The following WASHC5 variants were observed in gnomAD, a reference collection of about 807,000 sequenced individuals.
WASHC5 encodes WASH complex subunit strumpellin.
A neutral mutation model predicts 150.4 loss-of-function variants in WASHC5; 101 were observed. The ratio of observed to expected loss-of-function variants is 0.67; its 90% CI spans 0.57 to 0.79. The LOEUF (loss-of-function observed/expected upper bound fraction) is 0.79. Ranked by LOEUF, WASHC5 falls within the 30% of genes least tolerant of loss-of-function variation. The pLI, the probability that WASHC5 is intolerant of heterozygous loss-of-function variation, is 0.00. For synonymous variants in WASHC5, 467 were observed against 491.2 expected, an observed-to-expected ratio of 0.95 and a Z score of 0.65; for missense variants, 1,195 against 1,396.3, an observed-to-expected ratio of 0.86 and a Z score of 2.30.
chr8:125,039,971 A>G, intron 23 of WASHC5, 73 bp from the exon 24 acceptor site: 1 of 955,098 alleles, frequency 1.0e-6, no homozygotes, highest in African/African-American at 1.6e-5. Flanking sequence ...GGTAAACACA[A>G]AGATGACAAT....
chr8:125,045,252 T>C (rs1816028109), intron 20 of WASHC5, among the ~76,000 whole-genome samples: 1 of 152,238 alleles, frequency 6.6e-6, no homozygotes, highest in Admixed American at 6.5e-5. Context: ...AGAAGTGTGA[T>C]GATGACAGTG....
chr8:125,073,611 T>C (rs1476473399), intron 8 of WASHC5, among the ~76,000 whole-genome samples: 1 of 152,208 alleles, frequency 6.6e-6, no homozygotes, highest in South Asian at 2.1e-4. Flanking sequence ...AATTTCTATA[T>C]AAGATGAATG....
chr8:125,077,102 G>C (rs1299386140), intron 6 of WASHC5, among the ~76,000 whole-genome samples: 2 of 152,094 alleles, frequency 1.3e-5, no homozygotes, highest in Non-Finnish European at 2.9e-5. Context: ...TGTTCCCCAG[G>C]GGTTCATCCC....
Position 125,044,624 on chromosome 8 carries a change from A to T in WASHC5, c.2579T>A (p.Leu860His). The T allele has an allele frequency of 6.2e-7, 1 of 1,614,106 alleles. No homozygotes were observed. ...CAAGGTGGTCTGGATTTCTGAGAAG[A>T]GGCGGCTGCTGGTCACTTCCTGATG... ...KTHQEVTSSR[L>H]FSEIQTTLGT... Residue 860 changes from leucine to histidine, a missense_variant, in exon 21 of 29, where the codon CTC becomes CAC. Transcript: ENST00000318410.
At position 125,065,863 on chromosome 8, in the gene WASHC5, C is replaced by T. The variant is rs553658080; in HGVS notation, c.1278+1729G>A. ...AACTCCTGACCTCAGGTGATCCACC[C>T]GCCTTAGCCTCCCAAAGTGCTGGGA... On this transcript the variant is annotated intron_variant, in intron 10 of 28. Transcript: ENST00000318410. Among the ~76,000 whole-genome samples the T allele has an allele frequency of 1.2e-4, 19 of 152,218 alleles. No homozygotes were observed. In the South Asian group the frequency reaches 3.5e-3, roughly 28 times the overall value.
intron 19 of WASHC5, among the ~76,000 whole-genome samples, chr8:125,048,577 G>A (rs772191355): frequency 2.0e-5 from 3 of 152,108 alleles, no homozygotes; most frequent in Non-Finnish European, 2.9e-5. Context: ...TGGAACCCTC[G>A]TACACTGCTG....
intron 1 of WASHC5, among the ~76,000 whole-genome samples, chr8:125,090,848 C>T (rs1586399840): frequency 6.6e-6 from 1 of 152,266 alleles, no homozygotes; most frequent in East Asian, 1.9e-4. Flanking sequence ...ATAACGGTTG[C>T]TGATCAAGAT....
chr8:125,065,652 C>G (rs932464437), intron 10 of WASHC5, among the ~76,000 whole-genome samples: 17 of 145,286 alleles, frequency 1.2e-4, no homozygotes, highest in Non-Finnish European at 2.4e-4. Context: ...GAGTCTTGCT[C>G]TGTTGCCCAG....
At chr8:125,063,392 A>C (rs1816659461) in intron 11 of WASHC5, 130 bp downstream of exon 11, 2 of 1,014,368 alleles carry the variant, frequency 2.0e-6, no homozygotes, top group Non-Finnish European at 3.1e-6. Context: ...TTTATTAGCA[A>C]CACTAAAGAT....
chr8:125,046,478 T>C (rs73704523), intron 20 of WASHC5, among the ~76,000 whole-genome samples: 8,327 of 152,288 alleles, frequency 0.055, 302 homozygotes, highest in African/African-American at 0.096. Context: ...TACAAAGCTA[T>C]GCAGTCTGCC....
At chr8:125,076,271 T>C in intron 7 of WASHC5, 77 bp downstream of exon 7, 1 of 1,342,158 alleles carries the variant, frequency 7.5e-7, no homozygotes, top group Non-Finnish European at 1.1e-6. Flanking sequence ...TTACAACCTG[T>C]GGGTTAAAGG....
chr8:125,079,112 G>A lies in WASHC5; in HGVS notation c.519-182C>T, dbSNP rs796704856. Among the ~76,000 whole-genome samples, 3,966 of 47,796 alleles carry A rather than the reference G, an allele frequency of 0.083. 131 individuals are homozygous for A. The highest frequency in any genetic ancestry group is 0.29 in the South Asian group (458 of 1,566). 31.4% of individuals were successfully genotyped at this position (47,796 alleles called of 152,430 possible). ...ATTATGTGTATATATATGTGTGTGT[G>A]TGTGTATATATATATATATATATAT... On this transcript the variant is annotated intron_variant, in intron 5 of 28. Transcript: ENST00000318410.
chr8:125,073,197 C>T lies in WASHC5; in HGVS notation c.1106G>A (p.Cys369Tyr), dbSNP rs1816952476. ...IPKLLNCLRDCNVAIRWLMLH... is the reference protein window; with the variant it reads ...IPKLLNCLRDYNVAIRWLMLH... ...CATCAGCCATCGGATGGCAACATTGCAGTCTCTCAGGCAGTTCAGAAGCTT... is the reference window on the plus strand; with the variant it reads ...CATCAGCCATCGGATGGCAACATTGTAGTCTCTCAGGCAGTTCAGAAGCTT... Residue 369 changes from cysteine to tyrosine, a missense_variant, in exon 9 of 29, where the codon TGC becomes TAC. Coordinates refer to ENST00000318410, the MANE Select transcript of WASHC5 (RefSeq NM_014846.4). The T allele has an allele frequency of 6.2e-7, 1 of 1,614,010 alleles. No individual in the cohort carries two copies. Among genetic ancestry groups the T allele is most frequent in the Admixed American group, 1.7e-5 (1 of 59,984 alleles).
At chr8:125,067,547 A>T in intron 10 of WASHC5, 45 bp downstream of exon 10, 1 of 1,519,110 alleles carries the variant, frequency 6.6e-7, no homozygotes, top group Non-Finnish European at 9.1e-7. Context: ...ATTTTTAAGC[A>T]TAAAAAAGCT....
chr8:125,063,563 A>G lies in WASHC5; in HGVS notation c.1367T>C (p.Val456Ala). 9 of 1,613,990 alleles carry G rather than the reference A, an allele frequency of 5.6e-6. No individual in the cohort carries two copies. The highest frequency in any genetic ancestry group is 7.6e-6 in the Non-Finnish European group (9 of 1,179,908). The change falls in exon 11 of 29, where the codon GTC becomes GCC. Residue 456 changes from valine to alanine, a missense_variant. Val to Ala is a moderately conservative substitution (Grantham distance 64). Around this residue, in one of 3 missense-constraint regions of WASHC5, gnomAD observed 997 missense variants for 1,168.1 expected, o/e 0.85. Transcript: ENST00000318410. ...GSERMTELAD[V>A]FSGVKPLTRV... Reference sequence around the variant, plus strand: ...GGTTAGGGGTTTCACTCCTGAAAAGACATCAGCAAGCTCAGTCATCCGCTC... The same window carrying G: ...GGTTAGGGGTTTCACTCCTGAAAAGGCATCAGCAAGCTCAGTCATCCGCTC...
At position 125,067,101 on chromosome 8, in the gene WASHC5, G is replaced by A. The variant is rs141349341; in HGVS notation, c.1278+491C>T. On this transcript the variant is annotated intron_variant, in intron 10 of 28. Transcript: ENST00000318410. The stretch of plus-strand genomic sequence containing the variant: ...GCGATCTTGGCCCACTGCAACCTCC[G>A]CCTCCCAGGTTCAAGTGATTCTCAT... 6.8e-3 allele frequency among the ~76,000 whole-genome samples: 1,029 copies of A among 152,172 alleles called. 12 individuals are homozygous for A. The highest frequency in any genetic ancestry group is 6.4e-3 in the Non-Finnish European group (434 of 68,010).
intron 12 of WASHC5, among the ~76,000 whole-genome samples, chr8:125,059,872 G>A (rs771270096): frequency 4.6e-5 from 7 of 152,068 alleles, no homozygotes; most frequent in Admixed American, 2.0e-4. Context: ...AGATGCCTGG[G>A]TTATATGACA....
intron 16 of WASHC5, 56 bp from the exon 17 acceptor site, chr8:125,055,727 C>G: frequency 9.6e-7 from 1 of 1,038,640 alleles, no homozygotes; most frequent in South Asian, 1.3e-5. Flanking sequence ...CTGGAATGAA[C>G]AAAGATAACA....
At chr8:125,029,029 ACTT>A (rs1563605974) in intron 27 of WASHC5, among the ~76,000 whole-genome samples, 4 of 124,930 alleles carry the variant, frequency 3.2e-5, no homozygotes, top group Non-Finnish European at 4.8e-5. Flanking sequence ...ATCCCTGCAC[ACTT>A]TTTTTTTTTT....
Sources: allele counts gnomAD v4.1 joint callset (sites outside exome capture counted in the v4.1 genomes callset), GRCh38; gene constraint gnomAD v4.1.1; regional missense constraint gnomAD v4.1.1; transcripts MANE v1.5; gene names NCBI Gene and HGNC (gene_info 2026-07-23, HGNC 2026-07-21).